The following SREK1 variants were observed in gnomAD, a reference collection of about 807,000 sequenced individuals.
SREK1 encodes splicing regulatory glutamic acid and lysine rich protein 1, also known as splicing regulatory glutamine/lysine-rich protein 1.
A neutral mutation model predicts 66.5 loss-of-function variants in SREK1; 13 were observed. The observed-to-expected ratio is 0.20, with a 90% CI of 0.13 to 0.31. The LOEUF is 0.31. Ranked by LOEUF, SREK1 falls within the 10% of genes least tolerant of loss-of-function variation. The probability of loss-of-function intolerance (pLI) is 1.00; values close to 1 mark genes in which losing one functional copy is unlikely to be tolerated. For missense variants in SREK1, 607 were observed against 769.6 expected (o/e 0.79, Z 2.50); for synonymous variants, 265 against 263.5 (o/e 1.01, Z -0.05).
chr5:66,144,727 G>T (rs1365548190), intron 1 of SREK1, 190 bp downstream of exon 1: 8 of 1,294,002 alleles, frequency 6.2e-6, no homozygotes, highest in South Asian at 1.6e-5. Flanking sequence ...GATTTGGGGG[G>T]TTAACTACTG....
intron 3 of SREK1, among the ~76,000 whole-genome samples, chr5:66,160,604 T>C (rs1744675472): frequency 6.6e-6 from 1 of 152,112 alleles, no homozygotes; most frequent in Admixed American, 6.6e-5. Context: ...GGTTTGAGTT[T>C]TATTCTTAAG....
chr5:66,170,759 C>T lies in SREK1; in HGVS notation c.1296C>T (p.Asp432=), dbSNP rs367942006. ...ACCGGGAAAAAGACAAGGAAAAGGA[C>T]AGAGAGAGAGAACGGGAAAAAGAGC... ...EKDREKDKEK[D]REREREKEHE... is the part of the protein sequence containing the mutation. The change falls in exon 9 of 12, where the codon GAC becomes GAT. Residue 432 remains aspartate, a synonymous_variant. Coordinates refer to ENST00000334121, the MANE Select transcript of SREK1 (RefSeq NM_001077199.3). 1 of 1,598,370 alleles carries T rather than the reference C, an allele frequency of 6.3e-7. No individual in the cohort carries two copies. Among genetic ancestry groups the T allele is most frequent in the African/African-American group, 1.4e-5 (1 of 73,768 alleles).
In SREK1 at chr5:66,153,476, G is replaced by A; in HGVS notation, c.175G>A (p.Ala59Thr). ...RLYPPDNAPL[A>T]FSSKVCYVKF... ...TTTATCTTGCAGCAACGCACCTCTT[G>A]CTTTTTCCTCCAAAGTATGTTATGT... is the stretch of plus-strand genomic sequence containing the variant. Residue 59 changes from alanine (A) to threonine (T), a missense_variant, in exon 2 of 12, where the codon GCT becomes ACT. Around this residue, in one of 5 missense-constraint regions of SREK1, gnomAD observed 99 missense variants for 186.6 expected, o/e 0.53. Transcript: ENST00000334121. The A allele has an allele frequency of 6.2e-7, 1 of 1,612,576 alleles. No homozygotes were observed. The highest frequency in any genetic ancestry group is 8.5e-7 in the Non-Finnish European group (1 of 1,179,450).
At chr5:66,149,406 A>G (rs1743568368) in intron 1 of SREK1, among the ~76,000 whole-genome samples, 1 of 152,158 alleles carries the variant, frequency 6.6e-6, no homozygotes, top group African/African-American at 2.4e-5. Context: ...GAGTAGCCGT[A>G]CCTAATATCC....
chr5:66,175,034 C>T lies in SREK1; in HGVS notation c.1573C>T (p.Pro525Ser). Residue 525 changes from proline (P) to serine (S), a missense_variant, in exon 10 of 12, where the codon CCC (proline) becomes TCC (serine). This residue lies in a region of SREK1 where 318 missense variants were observed against 310.3 expected (regional missense o/e 1.02). Transcript: ENST00000334121. ...AAGGAAATCTTCTAGATCTCCGTCC[C>T]CCAGGAGGTAGGTTGGGAGCTTGTG... ...IKRKSSRSPSPRSRNKKDKKR... is the reference protein window; with the variant it reads ...IKRKSSRSPSSRSRNKKDKKR... The T allele has an allele frequency of 6.2e-7, 1 of 1,610,702 alleles. No homozygotes were observed. The highest frequency in any genetic ancestry group is 8.5e-7 in the Non-Finnish European group (1 of 1,178,164).
At chr5:66,163,985 G>T in intron 6 of SREK1, 63 bp downstream of exon 6, 1 of 1,522,926 alleles carries the variant, frequency 6.6e-7, no homozygotes, top group South Asian at 1.3e-5. Context: ...AGAACTGGAA[G>T]GAATTTTAGA....
intron 7 of SREK1, chr5:66,167,540 GTTAGA>G (rs1243496051): frequency 3.3e-5 from 5 of 152,150 alleles, no homozygotes; most frequent in African/African-American, 1.2e-4. Flanking sequence ...TAAATCTTTA[GTTAGA>G]TTAGATCTGC....
intron 7 of SREK1, chr5:66,167,276 T>A (rs899925505): frequency 6.6e-6 from 1 of 152,192 alleles, no homozygotes; most frequent in African/African-American, 2.4e-5. Context: ...TATCCAAGTT[T>A]TGATGCCTGT....
chr5:66,155,714 C>T (rs1347002515), intron 2 of SREK1, among the ~76,000 whole-genome samples: 1 of 152,106 alleles, frequency 6.6e-6, no homozygotes, highest in African/African-American at 2.4e-5. Flanking sequence ...CTTTGAATTG[C>T]TGTTTTTTAG....
Position 66,164,799 on chromosome 5 carries a change from T to C in SREK1, c.903T>C (p.Asn301=). 2 of 1,614,018 alleles carry C rather than the reference T, an allele frequency of 1.2e-6. No homozygotes were observed. Among genetic ancestry groups the C allele is most frequent in the Middle Eastern group, 1.6e-4 (1 of 6,062 alleles). ...AAIEPESGKS[N]ERKGGRSRSH... ...TCCTCCCAGAGTCTGGAAAGAGCAA[T>C]GAAAGAAAAGGCGGTCGATCTCGTT... Residue 301 remains asparagine, a synonymous_variant, in exon 7 of 12, where the codon AAT becomes AAC. Transcript: ENST00000334121.
chr5:66,154,652 A>G (rs1744124643), intron 2 of SREK1, among the ~76,000 whole-genome samples: 1 of 152,208 alleles, frequency 6.6e-6, no homozygotes, highest in African/African-American at 2.4e-5. Flanking sequence ...CAAAAACATT[A>G]CAGTCTAATA....
intron 10 of SREK1, among the ~76,000 whole-genome samples, chr5:66,176,861 T>C (rs137987956): frequency 6.6e-6 from 1 of 152,236 alleles, no homozygotes; most frequent in East Asian, 1.9e-4. Context: ...TAATTGGTTA[T>C]GGTTTTTTAG....
chr5:66,181,897 TGTCG>T lies in SREK1; in HGVS notation c.*3031_*3034del, dbSNP rs1219936177. 1.7e-5 allele frequency: 1 copy of T among 60,430 alleles called. No homozygotes were observed. The highest frequency in any genetic ancestry group is 6.1e-5 in the African/African-American group (1 of 16,524). 3.7% of individuals were successfully genotyped at this position (60,430 alleles called of 1,614,324 possible). A position where few individuals can be genotyped will look rare whatever the true frequency, so the allele number is the denominator to read the frequency against. ...GGCGTTTATAATGAAAAGGTTTTTTTGTCGGGGGGGGGGGGGTCAAGAGAATTTA... is the reference window on the plus strand; with the variant it reads ...GGCGTTTATAATGAAAAGGTTTTTTTGGGGGGGGGGGGTCAAGAGAATTTA... On this transcript the variant is annotated 3_prime_UTR_variant, in exon 12 of 12. Transcript: ENST00000334121.
rs73109316 is a variant in SREK1 at position 66,179,014 on chromosome 5, C to T, written c.*146C>T. 2,645 of 857,256 alleles carry T rather than the reference C, an allele frequency of 3.1e-3. 56 individuals carry two copies. In the African/African-American group the frequency reaches 0.042, roughly 14 times the overall value. 53.1% of individuals were successfully genotyped at this position (857,256 alleles called of 1,614,324 possible). On this transcript the variant is annotated 3_prime_UTR_variant, in exon 12 of 12. Transcript: ENST00000334121. ...TCCAGTTGTTAGATGACTTTGTGGCCATCTTGTTATTGAGTAAGAAAATAA... is the reference window on the plus strand; with the variant it reads ...TCCAGTTGTTAGATGACTTTGTGGCTATCTTGTTATTGAGTAAGAAAATAA...
rs1453706906 is a variant in SREK1, at chr5:66,170,608, A to G, written c.1145A>G (p.Glu382Gly). 1.2e-6 allele frequency: 2 copies of G among 1,604,268 alleles called. No individual in the cohort carries two copies. Among genetic ancestry groups the G allele is most frequent in the Non-Finnish European group, 1.7e-6 (2 of 1,177,684 alleles). Residue 382 changes from glutamate to glycine, a missense_variant, in exon 9 of 12, where the codon GAA becomes GGA. Transcript: ENST00000334121. ...HSRDKRKDTREKIKEKERVKE... is the reference protein window; with the variant it reads ...HSRDKRKDTRGKIKEKERVKE... ...AGGGACAAGAGAAAAGACACTCGAG[A>G]AAAGATCAAGGAAAAGGAAAGAGTG...
intron 2 of SREK1, among the ~76,000 whole-genome samples, chr5:66,154,902 G>T (rs1580630359): frequency 6.6e-6 from 1 of 152,290 alleles, no homozygotes; most frequent in East Asian, 1.9e-4. Context: ...TACAAACTTT[G>T]TAGTGAAATT....
rs767657509 is a variant in SREK1 at position 66,181,321 on chromosome 5, C to G, written c.*2453C>G. 1 of 152,088 alleles carries G rather than the reference C, an allele frequency of 6.6e-6. No individual in the cohort carries two copies. The highest frequency in any genetic ancestry group is 1.5e-5 in the Non-Finnish European group (1 of 68,000). 9.4% of individuals were successfully genotyped at this position (152,088 alleles called of 1,614,324 possible). The stretch of plus-strand genomic sequence containing the variant: ...GTGTGTCCATGTGTGCGCATGCGCA[C>G]GTGTGTATCTGTTTGAGACATACTT... On this transcript the variant is annotated 3_prime_UTR_variant, in exon 12 of 12. Transcript: ENST00000334121.
chr5:66,164,483 A>G (rs1012717133), intron 6 of SREK1: 3 of 947,934 alleles, frequency 3.2e-6, no homozygotes, highest in Non-Finnish European at 4.4e-6. Context: ...TAGCAGAATA[A>G]GTGGAGAAAG....
At chr5:66,144,701 C>G in intron 1 of SREK1, 164 bp downstream of exon 1, 2 of 1,331,282 alleles carry the variant, frequency 1.5e-6, no homozygotes, top group Non-Finnish European at 2.0e-6. Flanking sequence ...TTCCGCCGTC[C>G]TGCTCTCCTT....
Sources: gnomAD v4.1 joint callset for allele counts (sites outside exome capture counted in the v4.1 genomes callset) on GRCh38, gnomAD v4.1.1 for gene constraint, gnomAD v4.1.1 regional missense constraint, MANE v1.5 for transcripts, NCBI Gene and HGNC (gene_info 2026-07-23, HGNC 2026-07-21) for gene names.